Variants in MMD2 observed in about 807,000 individuals in gnomAD.
The protein encoded by MMD2 is monocyte to macrophage differentiation factor 2.
A neutral mutation model predicts 33.5 loss-of-function variants in MMD2; 30 were observed. The observed-to-expected ratio is 0.90, with a 90% CI of 0.67 to 1.22. The LOEUF is 1.22. MMD2 is among the 50% of genes most tolerant of loss of function. The pLI, the probability that MMD2 is intolerant of heterozygous loss-of-function variation, is 0.00. For synonymous variants in MMD2, 129 were observed against 123.0 expected (o/e 1.05, Z -0.32); for missense variants, 364 against 325.4 (o/e 1.12, Z -0.91).
rs570309793 is a variant in MMD2 at position 4,906,834 on chromosome 7, G to A, written c.*562C>T. On this transcript the variant is annotated 3_prime_UTR_variant, in exon 7 of 7. Transcript: ENST00000401401. ...AGTGCCAAATTGATTGGTACTGGCT[G>A]CCCAGAACACTGTGCTGGGAAGAAT... The A allele has an allele frequency of 2.7e-4, 87 of 320,662 alleles. No individual in the cohort carries two copies. Among genetic ancestry groups the A allele is most frequent in the Non-Finnish European group, 4.2e-4 (73 of 175,546 alleles). 19.9% of individuals were successfully genotyped at this position (320,662 alleles called of 1,614,324 possible).
chr7:4,936,830 G>A (rs765758321), intron 1 of MMD2, among the ~76,000 whole-genome samples: 20 of 152,000 alleles, frequency 1.3e-4, no homozygotes, highest in Non-Finnish European at 1.8e-4. Flanking sequence ...CGCCTCCCGG[G>A]TTCAAGCAAT....
intron 1 of MMD2, among the ~76,000 whole-genome samples, chr7:4,926,403 G>T (rs951560231): frequency 6.6e-6 from 1 of 152,016 alleles, no homozygotes; most frequent in Non-Finnish European, 1.5e-5. Context: ...CTCATTTCCT[G>T]TTTCTTATTT....
the MMD2 span, among the ~76,000 whole-genome samples, chr7:4,894,110 G>A: frequency 2.6e-4 from 39 of 152,250 alleles, 1 homozygote; most frequent in East Asian, 7.5e-3. The surrounding 1 kb of genome is among the most constrained non-coding windows in gnomAD (Gnocchi z 4.3). Flanking sequence ...TCAAGATGGA[G>A]TCACTCTGGT....
rs371331943 is a variant in MMD2, at chr7:4,909,997, G to A, written c.468-47C>T. On this transcript the variant is annotated intron_variant, in intron 5 of 6. Coordinates refer to ENST00000401401, the MANE Select transcript of MMD2 (RefSeq NM_198403.4). ...CCGGCCTTAGGACATGCCTCCCCAC[G>A]AAGAAACTGCACACAGCTCCCTGTT... 7.4e-6 allele frequency: 12 copies of A among 1,613,814 alleles called. No homozygotes were observed. The highest frequency in any genetic ancestry group is 2.2e-5 in the East Asian group (1 of 44,890).
rs547734575 is a variant in MMD2 at position 4,916,709 on chromosome 7, C to G, written c.291-630G>C. Among the ~76,000 whole-genome samples, 50 of 152,150 alleles carry G rather than the reference C, an allele frequency of 3.3e-4. No individual in the cohort carries two copies. The South Asian group carries it at 5.4e-3, about 16-fold the overall frequency. Reference sequence around the variant, plus strand: ...TCCTCCCCTACTTTAATCAGAGCCACTGTGCATTTCTGCTTTATATACTGG... The same window carrying G: ...TCCTCCCCTACTTTAATCAGAGCCAGTGTGCATTTCTGCTTTATATACTGG... On this transcript the variant is annotated intron_variant, in intron 3 of 6. Transcript: ENST00000401401.
chr7:4,925,868 T>C (rs1274553444), intron 1 of MMD2, among the ~76,000 whole-genome samples: 2 of 152,156 alleles, frequency 1.3e-5, no homozygotes, highest in Admixed American at 6.6e-5. Flanking sequence ...GACTGGAGTG[T>C]AGTGGTGTGA....
At chr7:4,928,652 G>A (rs1186934272) in intron 1 of MMD2, among the ~76,000 whole-genome samples, 1 of 151,310 alleles carries the variant, frequency 6.6e-6, no homozygotes, top group Non-Finnish European at 1.5e-5. Context: ...GCAGCTCATG[G>A]AGCATTTATT....
the MMD2 span, among the ~76,000 whole-genome samples, chr7:4,900,919 C>G: frequency 6.6e-6 from 1 of 152,114 alleles, no homozygotes; most frequent in Admixed American, 6.6e-5. Context: ...GTGGGTGGAT[C>G]ACCTGAGGTC....
intron 1 of MMD2, among the ~76,000 whole-genome samples, chr7:4,941,490 C>T (rs1044041698): frequency 6.6e-6 from 1 of 152,012 alleles, no homozygotes; most frequent in African/African-American, 2.4e-5. Context: ...ATAAGCCGGG[C>T]GTGGTGGCGG....
chr7:4,942,980 C>T (rs944262455), intron 1 of MMD2, among the ~76,000 whole-genome samples: 5 of 146,554 alleles, frequency 3.4e-5, no homozygotes, highest in Admixed American at 2.8e-4. Context: ...AGTTGGAGTA[C>T]ACTTCAGGAG....
intron 2 of MMD2, among the ~76,000 whole-genome samples, chr7:4,924,866 G>A (rs62451452): frequency 0.15 from 23,237 of 152,122 alleles, 2,303 homozygotes; most frequent in Middle Eastern, 0.24. Flanking sequence ...GTGGACAGAC[G>A]GGCTAGGAGC....
chr7:4,958,958 G>C lies in MMD2; in HGVS notation c.47+13C>G. ...TCCCTCCCTCCCCGCGGACCTCCGC[G>C]GCCGCCGCTCACCTCGCGTATTTCG... On this transcript the variant is annotated intron_variant, in intron 1 of 6. Coordinates refer to ENST00000401401, the MANE Select transcript of MMD2 (RefSeq NM_198403.4). 1.6e-6 allele frequency: 2 copies of C among 1,283,456 alleles called. No homozygotes were observed. Among genetic ancestry groups the C allele is most frequent in the Non-Finnish European group, 2.0e-6 (2 of 1,008,840 alleles). 79.5% of individuals were successfully genotyped at this position (1,283,456 alleles called of 1,614,324 possible).
At chr7:4,918,425 G>A (rs1025759898) in intron 3 of MMD2, among the ~76,000 whole-genome samples, 1 of 151,610 alleles carries the variant, frequency 6.6e-6, no homozygotes, top group African/African-American at 2.4e-5. Context: ...TGAGTTGAAT[G>A]TGGCTGCTAT....
intron 1 of MMD2, among the ~76,000 whole-genome samples, chr7:4,942,438 T>C (rs1451535624): frequency 1.3e-5 from 2 of 151,748 alleles, no homozygotes; most frequent in Non-Finnish European, 2.9e-5. Context: ...TTAAAAAATT[T>C]TTTTAATTAA....
chr7:4,912,590 T>C (rs1171195975), intron 4 of MMD2, among the ~76,000 whole-genome samples: 1 of 150,844 alleles, frequency 6.6e-6, no homozygotes, highest in Non-Finnish European at 1.5e-5. Flanking sequence ...TAACGGTCAA[T>C]GCACAGAAAA....
In MMD2 at chr7:4,911,230, G is replaced by C. The variant is rs1278939111; in HGVS notation, c.382C>G (p.Leu128Val). 2.5e-6 allele frequency: 4 copies of C among 1,593,360 alleles called. No homozygotes were observed. Among genetic ancestry groups the C allele is most frequent in the Non-Finnish European group, 3.4e-6 (4 of 1,170,574 alleles). Residue 128 changes from leucine to valine, a missense_variant, in exon 5 of 7, where the codon CTG (leucine) becomes GTG (valine). By Grantham distance (32) the Leu-to-Val change is conservative (BLOSUM62 1). Coordinates refer to ENST00000401401, the MANE Select transcript of MMD2 (RefSeq NM_198403.4). ...CGCATGTGGGAGGCCCAGGGGCCCA[G>C]CTCCCGAAGGTTCAGCCTGGGAGAG... ...SYAPWLNLRELGPWASHMRWL... is the reference protein window; with the variant it reads ...SYAPWLNLREVGPWASHMRWL...
the MMD2 span, among the ~76,000 whole-genome samples, chr7:4,898,428 G>A: frequency 3.3e-5 from 5 of 152,282 alleles, no homozygotes; most frequent in South Asian, 1.0e-3. Context: ...ACGCACTCAT[G>A]GGTCATAACA....
intron 1 of MMD2, among the ~76,000 whole-genome samples, chr7:4,937,793 C>A (rs370693840): frequency 1.3e-5 from 2 of 151,744 alleles, no homozygotes; most frequent in East Asian, 3.9e-4. Flanking sequence ...TACAGGTGTG[C>A]GTCACTACAT....
intron 1 of MMD2, among the ~76,000 whole-genome samples, chr7:4,930,237 A>G (rs1785540015): frequency 7.3e-6 from 1 of 137,058 alleles, no homozygotes; most frequent in East Asian, 2.3e-4. Flanking sequence ...CCGCCACTGC[A>G]CTCCAGCCTG....
Sources: gnomAD v4.1 joint callset for allele counts (sites outside exome capture counted in the v4.1 genomes callset) on GRCh38, gnomAD v4.1.1 for gene constraint, Gnocchi (gnomAD v3.1) non-coding constraint, MANE v1.5 for transcripts, NCBI Gene and HGNC (gene_info 2026-07-23, HGNC 2026-07-21) for gene names.